Variants in WASL observed in about 807,000 individuals in gnomAD.
WASL encodes the protein actin nucleation-promoting factor WASL.
WASL carries 20 observed loss-of-function variants against 55.5 expected under a neutral mutation model. The observed-to-expected ratio is 0.36, with a 90% CI of 0.25 to 0.52. The LOEUF is 0.52. Ranked by LOEUF, WASL falls within the 20% of genes least tolerant of loss-of-function variation. The pLI, the probability that WASL is intolerant of heterozygous loss-of-function variation, is 0.92. For synonymous variants in WASL, 249 were observed against 217.6 expected (o/e 1.14, Z -1.27); for missense variants, 504 against 622.5 (o/e 0.81, Z 2.03).
intron 1 of WASL, among the ~76,000 whole-genome samples, chr7:123,737,869 C>G (rs1022314326): frequency 6.6e-6 from 1 of 152,084 alleles, no homozygotes; most frequent in Admixed American, 6.5e-5. Context: ...AAATGTTAAA[C>G]CTGTACAATG....
chr7:123,692,536 C>T lies in WASL; in HGVS notation c.1158G>A (p.Pro386=), dbSNP rs368113473. The change falls in exon 9 of 11, where the codon CCG becomes CCA. Residue 386 remains proline (P), a synonymous_variant. Coordinates refer to ENST00000223023, the MANE Select transcript of WASL (RefSeq NM_003941.4). ...CATCAGAAGGCAGGCCAGGCGGGGGCGGTGGCCCAGGAGGAGGTGGAGGTG... is the reference window on the plus strand; with the variant it reads ...CATCAGAAGGCAGGCCAGGCGGGGGTGGTGGCCCAGGAGGAGGTGGAGGTG... ...PPPPPPPPGP[P]PPPGLPSDGD... 44 of 1,613,682 alleles carry T rather than the reference C, an allele frequency of 2.7e-5. No individual in the cohort carries two copies. The highest frequency in any genetic ancestry group is 5.5e-5 in the South Asian group (5 of 91,064).
Position 123,714,031 on chromosome 7 carries a change from T to G in WASL, c.118-4808A>C, listed in dbSNP as rs1368102702. 3.3e-5 allele frequency among the ~76,000 whole-genome samples: 5 copies of G among 152,304 alleles called. No homozygotes were observed. The South Asian group carries it at 1.0e-3, about 32-fold the overall frequency. On this transcript the variant is annotated intron_variant, in intron 1 of 10. Coordinates refer to ENST00000223023, the MANE Select transcript of WASL (RefSeq NM_003941.4). The stretch of plus-strand genomic sequence containing the variant: ...CTAAGAGATGACTGTAAAATTTTAA[T>G]CTATACATTATAAAAAGTAGTATAA...
chr7:123,685,556 G>A (rs1803273338), intron 10 of WASL, among the ~76,000 whole-genome samples: 1 of 151,870 alleles, frequency 6.6e-6, no homozygotes. Context: ...CCCATAATCA[G>A]TAACGGCCTA....
At chr7:123,722,329 C>T (rs1427049995) in intron 1 of WASL, among the ~76,000 whole-genome samples, 4 of 152,156 alleles carry the variant, frequency 2.6e-5, no homozygotes, top group South Asian at 4.1e-4. Flanking sequence ...GGGATAACTA[C>T]ACAAAGGAAT....
chr7:123,704,003 CCT>C (rs1403446087), intron 5 of WASL, among the ~76,000 whole-genome samples: 1 of 152,054 alleles, frequency 6.6e-6, no homozygotes, highest in African/African-American at 2.4e-5. Flanking sequence ...AATTTCTACC[CCT>C]GAGACCTTAT....
chr7:123,720,229 A>G (rs1341399742), intron 1 of WASL: 1 of 408,216 alleles, frequency 2.4e-6, no homozygotes, highest in Non-Finnish European at 4.7e-6. Context: ...ATTAATTCAA[A>G]TCTTCAGAAT....
intron 1 of WASL, among the ~76,000 whole-genome samples, chr7:123,740,072 A>C (rs1402027963): frequency 6.6e-6 from 1 of 152,110 alleles, no homozygotes; most frequent in Non-Finnish European, 1.5e-5. Flanking sequence ...GTGCTTAGTA[A>C]GTCCTCAAGA....
chr7:123,707,984 G>C (rs1039064118), intron 2 of WASL, among the ~76,000 whole-genome samples: 1 of 152,136 alleles, frequency 6.6e-6, no homozygotes, highest in Non-Finnish European at 1.5e-5. Flanking sequence ...CCAGGAGTTT[G>C]AATCCAGGCT....
chr7:123,712,715 A>G (rs1197995395), intron 1 of WASL, among the ~76,000 whole-genome samples: 3 of 152,156 alleles, frequency 2.0e-5, no homozygotes, highest in Admixed American at 1.3e-4. Flanking sequence ...TCCTCTCCCC[A>G]GAGCCATTAC....
At chr7:123,726,040 G>T (rs1156960253) in intron 1 of WASL, among the ~76,000 whole-genome samples, 2 of 152,194 alleles carry the variant, frequency 1.3e-5, no homozygotes, top group Non-Finnish European at 2.9e-5. Context: ...TGCAAAGCCA[G>T]TATTAACTCT....
At chr7:123,725,062 G>A (rs1804018605) in intron 1 of WASL, among the ~76,000 whole-genome samples, 1 of 152,108 alleles carries the variant, frequency 6.6e-6, no homozygotes. Flanking sequence ...GCATACTAAA[G>A]TCAACGTACA....
At chr7:123,689,693 G>T (rs922331799) in intron 9 of WASL, among the ~76,000 whole-genome samples, 1 of 151,844 alleles carries the variant, frequency 6.6e-6, no homozygotes, top group Non-Finnish European at 1.5e-5. Context: ...TTAAGGAGAT[G>T]AGTTGATCAA....
chr7:123,708,147 C>A (rs1362963927), intron 2 of WASL, among the ~76,000 whole-genome samples: 1 of 151,946 alleles, frequency 6.6e-6, no homozygotes, highest in Non-Finnish European at 1.5e-5. Context: ...GCACTCCAGG[C>A]TGGGTGACAG....
intron 1 of WASL, among the ~76,000 whole-genome samples, chr7:123,742,535 C>T (rs1173487674): frequency 6.6e-6 from 1 of 152,052 alleles, no homozygotes; most frequent in African/African-American, 2.4e-5. Context: ...TAAGCAGTAA[C>T]ATGTAACACC....
intron 2 of WASL, among the ~76,000 whole-genome samples, chr7:123,707,955 G>A (rs2116788853): frequency 6.6e-6 from 1 of 152,302 alleles, no homozygotes; most frequent in South Asian, 2.1e-4. Context: ...GGAGCCTGAG[G>A]CAGGAGGATC....
At chr7:123,694,905 T>A (rs367791965) in intron 7 of WASL, 37 bp from the exon 8 acceptor site, 7 of 1,568,424 alleles carry the variant, frequency 4.5e-6, no homozygotes, top group Non-Finnish European at 6.0e-6. Flanking sequence ...TAAAAATATA[T>A]CCCAATTTAA....
At position 123,689,026 on chromosome 7, in the gene WASL, CT is replaced by C; in HGVS notation, c.1456+15del. The C allele has an allele frequency of 6.3e-7, 1 of 1,594,418 alleles. No individual in the cohort carries two copies. Among genetic ancestry groups the C allele is most frequent in the South Asian group, 1.1e-5 (1 of 90,640 alleles). ...TCTCTGTCTCTCTCTCTCTCTCTCT[CT>C]CTCTCTCTCTCTACCTGAAGAATGA... On this transcript the variant is annotated intron_variant, in intron 10 of 10. Transcript: ENST00000223023.
At chr7:123,746,776 C>T (rs1158540902) in intron 1 of WASL, among the ~76,000 whole-genome samples, 2 of 152,202 alleles carry the variant, frequency 1.3e-5, no homozygotes, top group Non-Finnish European at 1.5e-5. Flanking sequence ...TCCCCATCTG[C>T]CATTTTTCGA....
chr7:123,719,669 A>C (rs1246780980), intron 1 of WASL, among the ~76,000 whole-genome samples: 1 of 152,196 alleles, frequency 6.6e-6, no homozygotes, highest in South Asian at 2.1e-4. Context: ...TCTTCAGTAC[A>C]GAGCACAAGC....
Sources: allele counts gnomAD v4.1 joint callset (sites outside exome capture counted in the v4.1 genomes callset), GRCh38; gene constraint gnomAD v4.1.1; transcripts MANE v1.5; gene names NCBI Gene and HGNC (gene_info 2026-07-23, HGNC 2026-07-21).